SPTBN4: variants seen among roughly 807,000 people sequenced by gnomAD.
The protein encoded by SPTBN4 is spectrin beta chain, non-erythrocytic 4.
In SPTBN4, 96 loss-of-function variants were observed where a neutral mutation model predicts 277.8. That is an observed-to-expected ratio of 0.35 (90% CI 0.29 to 0.41). SPTBN4 has a LOEUF of 0.41. Among genes scored for constraint, SPTBN4 ranks in the 10% least tolerant of loss-of-function variants. The pLI, the probability that SPTBN4 is intolerant of heterozygous loss-of-function variation, is 1.00. For synonymous variants in SPTBN4, 1,481 were observed against 1,580.3 expected (o/e 0.94, Z 1.49); for missense variants, 3,006 against 3,595.7 (o/e 0.84, Z 4.19).
rs2080267132 is a variant in SPTBN4 at position 40,501,920 on chromosome 19, G to A, written c.785-1G>A. The A allele has an allele frequency of 1.9e-6, 3 of 1,613,918 alleles. No individual in the cohort carries two copies. Among genetic ancestry groups the A allele is most frequent in the Non-Finnish European group, 1.7e-6 (2 of 1,179,830 alleles). ...GTTTCCCCACTCCCTCTTGCTTCCA[G>A]ATGTGAACATGGAGGCTCCAGATGA... On this transcript the variant is annotated splice_acceptor_variant, in intron 7 of 35. Coordinates refer to ENST00000598249, the MANE Select transcript of SPTBN4 (RefSeq NM_020971.3). LOFTEE classifies it high-confidence loss of function.
intron 4 of SPTBN4, among the ~76,000 whole-genome samples, chr19:40,492,177 C>A (rs925386546): frequency 1.3e-5 from 2 of 151,978 alleles, no homozygotes; most frequent in Non-Finnish European, 2.9e-5. Flanking sequence ...GGGGAAGACA[C>A]TCAGGGAGTG....
At chr19:40,507,368 C>T (rs2080342261) in intron 13 of SPTBN4, among the ~76,000 whole-genome samples, 1 of 151,750 alleles carries the variant, frequency 6.6e-6, no homozygotes, top group Non-Finnish European at 1.5e-5. Flanking sequence ...GGTTTTACCT[C>T]AGGCATGGCT....
chr19:40,568,086 T>G lies in SPTBN4; in HGVS notation c.6760T>G (p.Ser2254Ala). The G allele has an allele frequency of 6.4e-7, 1 of 1,564,094 alleles. No homozygotes were observed. The highest frequency in any genetic ancestry group is 8.7e-7 in the Non-Finnish European group (1 of 1,154,980). Residue 2254 changes from serine to alanine, a missense_variant, in exon 31 of 36, where the codon TCA (serine) becomes GCA (alanine). Transcript: ENST00000598249. Reference sequence around the variant, plus strand: ...GAGGCGGCGGCCTGAGCGGCAAGAGTCAGTCGATCAATCCGAGGAGGCTGC... The same window carrying G: ...GAGGCGGCGGCCTGAGCGGCAAGAGGCAGTCGATCAATCCGAGGAGGCTGC... ...PRRRRPERQE[S>A]VDQSEEAARR...
At position 40,520,034 on chromosome 19, in the gene SPTBN4, T is replaced by C. The variant is rs774301579; in HGVS notation, c.3537T>C (p.Leu1179=). Residue 1179 remains leucine (L), a synonymous_variant, in exon 16 of 36, where the codon CTT becomes CTC. Transcript: ENST00000598249. ...ALDEWLPHLE[L]GWHKLLGLWE... is the part of the protein sequence containing the mutation. ...ACGAGTGGCTGCCACACCTCGAACT[T>C]GGCTGGCATAAACTGCTCGGCTTGT... is the stretch of plus-strand genomic sequence containing the variant. The C allele has an allele frequency of 3.5e-5, 54 of 1,564,396 alleles. No homozygotes were observed. The Admixed American group carries it at 8.2e-4, about 24-fold the overall frequency.
chr19:40,540,499 C>T (rs1275474017), intron 20 of SPTBN4, among the ~76,000 whole-genome samples: 2 of 152,036 alleles, frequency 1.3e-5, no homozygotes, highest in Admixed American at 6.5e-5. Flanking sequence ...GCCTTAGCCC[C>T]TCAAAGTGCT....
At chr19:40,497,837 C>T (rs576002238) in intron 7 of SPTBN4, among the ~76,000 whole-genome samples, 17 of 151,910 alleles carry the variant, frequency 1.1e-4, no homozygotes, top group African/African-American at 3.9e-4. Context: ...CTCTCATCCC[C>T]AACCGTGTCC....
At chr19:40,477,523 G>A (rs1795132444) in intron 2 of SPTBN4, among the ~76,000 whole-genome samples, 1 of 152,118 alleles carries the variant, frequency 6.6e-6, no homozygotes, top group Admixed American at 6.6e-5. Flanking sequence ...AGACAGGGTA[G>A]GGGAGGCACA....
At chr19:40,563,468 C>A (rs1260771487) in intron 27 of SPTBN4, among the ~76,000 whole-genome samples, 2 of 152,082 alleles carry the variant, frequency 1.3e-5, no homozygotes, top group African/African-American at 2.4e-5. Flanking sequence ...ACTTTAAAAT[C>A]TTCTTGTGGC....
Position 40,513,047 on chromosome 19 carries a change from G to A in SPTBN4, c.2258G>A (p.Arg753His). Reference protein sequence around the residue: ...GLAERAASARRRWQRLEEAAA... With the variant: ...GLAERAASARHRWQRLEEAAA... ...GCGGAGCGCGCGGCGAGCGCCCGGC[G>A]CCGCTGGCAGAGGCTGGAAGAGGCG... Residue 753 changes from arginine to histidine, a missense_variant, in exon 14 of 36, where the codon CGC (arginine) becomes CAC (histidine). Around this residue, in one of 5 missense-constraint regions of SPTBN4, gnomAD observed 1,759 missense variants for 2,061.5 expected, o/e 0.85. Coordinates refer to ENST00000598249, the MANE Select transcript of SPTBN4 (RefSeq NM_020971.3). 7.0e-7 allele frequency: 1 copy of A among 1,420,862 alleles called. No individual in the cohort carries two copies. The allele number at this position is 1,420,862 out of a possible 1,614,324, so 88.0% of individuals were successfully genotyped here.
Position 40,567,765 on chromosome 19 carries a change from C to A in SPTBN4, c.6439C>A (p.Leu2147Met). ...PTELAAKAAP[L>M]LRPGGYERGL... is the part of the protein sequence containing the mutation. Reference sequence around the variant, plus strand: ...GGAACTGGCGGCCAAGGCGGCGCCCCTGCTGCGGCCAGGGGGCTATGAAAG... The same window carrying A: ...GGAACTGGCGGCCAAGGCGGCGCCCATGCTGCGGCCAGGGGGCTATGAAAG... The change falls in exon 31 of 36, where the codon CTG becomes ATG. Residue 2147 changes from leucine (L) to methionine (M), a missense_variant. Transcript: ENST00000598249. 1 of 1,538,456 alleles carries A rather than the reference C, an allele frequency of 6.5e-7. No homozygotes were observed. Among genetic ancestry groups the A allele is most frequent in the East Asian group, 2.5e-5 (1 of 39,232 alleles).
Position 40,520,069 on chromosome 19 carries a change from G to A in SPTBN4, c.3572G>A (p.Arg1191His). Residue 1191 changes from arginine to histidine, a missense_variant, in exon 16 of 36, where the codon CGC becomes CAC. This residue lies in a region of SPTBN4 where 1,759 missense variants were observed against 2,061.5 expected (regional missense o/e 0.85). Coordinates refer to ENST00000598249, the MANE Select transcript of SPTBN4 (RefSeq NM_020971.3). The stretch of plus-strand genomic sequence containing the variant: ...AAACTGCTCGGCTTGTGGGAGGCGC[G>A]CAGGGAGGCGCTGGTCCAGGCGCAC... ...WHKLLGLWEARREALVQAHIY... is the reference protein window; with the variant it reads ...WHKLLGLWEAHREALVQAHIY... 1 of 1,515,058 alleles carries A rather than the reference G, an allele frequency of 6.6e-7. No individual in the cohort carries two copies. Among genetic ancestry groups the A allele is most frequent in the Non-Finnish European group, 8.8e-7 (1 of 1,136,372 alleles). The allele number at this position is 1,515,058 out of a possible 1,614,324, so 93.9% of individuals were successfully genotyped here. A position where few individuals can be genotyped will look rare whatever the true frequency, so the allele number is the denominator to read the frequency against.
intron 20 of SPTBN4, among the ~76,000 whole-genome samples, chr19:40,538,002 T>C (rs1273893720): frequency 6.6e-6 from 1 of 152,224 alleles, no homozygotes; most frequent in Non-Finnish European, 1.5e-5. Context: ...GGGGAGCTTT[T>C]GCTCCTCCCT....
chr19:40,560,152 C>T lies in SPTBN4; in HGVS notation c.5671-7C>T, dbSNP rs2081026924. ...AGGGCTGGCGCCCGACCTGGCATGCCCTTCAGGTACGGCAGCTGCAGGAGG... is the reference window on the plus strand; with the variant it reads ...AGGGCTGGCGCCCGACCTGGCATGCTCTTCAGGTACGGCAGCTGCAGGAGG... On this transcript the variant is annotated splice_region_variant and splice_polypyrimidine_tract_variant and intron_variant, in intron 26 of 35. Transcript: ENST00000598249. This position sits in a 1 kb window ranked among gnomAD's most constrained non-coding sequence, Gnocchi z 5.2. 1.3e-6 allele frequency: 2 copies of T among 1,589,554 alleles called. No individual in the cohort carries two copies. Among genetic ancestry groups the T allele is most frequent in the South Asian group, 1.1e-5 (1 of 89,952 alleles).
chr19:40,555,489 CAAAAAAA>C (rs56045928), intron 24 of SPTBN4, among the ~76,000 whole-genome samples: 34 of 74,904 alleles, frequency 4.5e-4, no homozygotes, highest in Non-Finnish European at 6.6e-4. Context: ...GACTCCGTCT[CAAAAAAA>C]AAAAAAAAAA....
intron 12 of SPTBN4, among the ~76,000 whole-genome samples, chr19:40,504,598 G>A (rs913179339): frequency 6.6e-6 from 1 of 151,992 alleles, no homozygotes; most frequent in African/African-American, 2.4e-5. Context: ...GAACCCGGGA[G>A]GCGGAGCTTG....
At chr19:40,474,587 G>A (rs1379013987) in intron 2 of SPTBN4, among the ~76,000 whole-genome samples, 1 of 151,820 alleles carries the variant, frequency 6.6e-6, no homozygotes, top group Non-Finnish European at 1.5e-5. Context: ...GCGCCACCAT[G>A]CCTGGCTAAT....
At chr19:40,551,470 A>G (rs2080917685) in intron 22 of SPTBN4, among the ~76,000 whole-genome samples, 1 of 152,156 alleles carries the variant, frequency 6.6e-6, no homozygotes, top group African/African-American at 2.4e-5. Flanking sequence ...AAGGACAGAG[A>G]TAATCAGCAA....
intron 1 of SPTBN4, among the ~76,000 whole-genome samples, chr19:40,468,080 CTTT>C (rs10622374): frequency 6.9e-6 from 1 of 144,574 alleles, no homozygotes; most frequent in African/African-American, 2.6e-5. Flanking sequence ...ATTATCATTA[CTTT>C]TTTTTTTTTT....
At chr19:40,512,507 G>C (rs2080401772) in intron 13 of SPTBN4, 99 bp from the exon 14 acceptor site, 1 of 1,376,370 alleles carries the variant, frequency 7.3e-7, no homozygotes, top group African/African-American at 1.5e-5. Flanking sequence ...GGCATCTGAT[G>C]AAGTCACACC....
Sources: allele counts gnomAD v4.1 joint callset (sites outside exome capture counted in the v4.1 genomes callset), GRCh38; gene constraint gnomAD v4.1.1; regional missense constraint gnomAD v4.1.1; non-coding constraint Gnocchi (gnomAD v3.1); transcripts MANE v1.5; gene names NCBI Gene and HGNC (gene_info 2026-07-23, HGNC 2026-07-21).